The following CAPN15 variants were observed in gnomAD, a reference collection of about 807,000 sequenced individuals.
CAPN15 encodes the protein calpain 15, also known as calpain-15.
A neutral mutation model predicts 97.9 loss-of-function variants in CAPN15; 53 were observed. That is an observed-to-expected ratio of 0.54 (90% CI 0.43 to 0.68). The LOEUF (loss-of-function observed/expected upper bound fraction) is 0.68, where lower values mean the gene tolerates loss of function less well. CAPN15 is among the 30% of genes least tolerant of loss of function. The pLI is 0.00. For synonymous variants in CAPN15, 922 were observed against 722.5 expected, an observed-to-expected ratio of 1.28 and a Z score of -4.43; for missense variants, 1,592 against 1,589.8, an observed-to-expected ratio of 1.00 and a Z score of -0.02.
intron 7 of CAPN15, among the ~76,000 whole-genome samples, 173 bp from the exon 8 acceptor site, chr16:551,113 CGGTGAGGGCCCCTGTT>C (rs1409652892): frequency 5.4e-4 from 62 of 115,886 alleles, no homozygotes; most frequent in Admixed American, 7.9e-4. Context: ...GGTCCCCGGT[CGGTGAGGGCCCCTGTT>C]GGTGAGGGCC....
In CAPN15 at chr16:552,833, C is replaced by A; in HGVS notation, c.2905-30C>A. ...GGGGGAGTATGCCCCAGCACCTCCC[C>A]TGCCCCACAACTGCCATTCCTGTGC... On this transcript the variant is annotated intron_variant, in intron 12 of 13. Transcript: ENST00000219611. The surrounding 1 kb of genome is among the most constrained non-coding windows in gnomAD (Gnocchi z 6.4). 6.3e-7 allele frequency: 1 copy of A among 1,576,728 alleles called. No individual in the cohort carries two copies. The highest frequency in any genetic ancestry group is 1.2e-5 in the South Asian group (1 of 85,954).
intron 4 of CAPN15, 110 bp from the exon 5 acceptor site, chr16:548,883 T>C: frequency 9.9e-7 from 1 of 1,010,768 alleles, no homozygotes; most frequent in South Asian, 1.4e-5. Context: ...CACCCGTCCC[T>C]TTGGGGCTCA....
At position 548,193 on chromosome 16, in the gene CAPN15, G is replaced by A; in HGVS notation, c.1355G>A (p.Arg452Lys). 1 of 1,540,988 alleles carries A rather than the reference G, an allele frequency of 6.5e-7. No homozygotes were observed. Among genetic ancestry groups the A allele is most frequent in the Non-Finnish European group, 8.7e-7 (1 of 1,144,028 alleles). ...CAGCGGCGGGGGGCCGCGCCCCTGA[G>A]GCGCAGGGAGAGCATGCACGTGGAG... ...VAQRRGAAPL[R>K]RRESMHVEQR... Residue 452 changes from arginine to lysine, a missense_variant, in exon 4 of 14, where the codon AGG (arginine) becomes AAG (lysine). This residue lies in a region of CAPN15 where 883 missense variants were observed against 776.6 expected (regional missense o/e 1.14). Transcript: ENST00000219611.
chr16:552,028 C>A lies in CAPN15; in HGVS notation c.2346-23C>A. ...GGTGTGGGCCGTGGTAGGCTCAGGG[C>A]CCCGTCCTCCCGCCACCTGCAGGTA... On this transcript the variant is annotated intron_variant, in intron 9 of 13. Coordinates refer to ENST00000219611, the MANE Select transcript of CAPN15 (RefSeq NM_005632.3). This position sits in a 1 kb window ranked among gnomAD's most constrained non-coding sequence, Gnocchi z 6.4. 1.9e-6 allele frequency: 3 copies of A among 1,545,818 alleles called. No homozygotes were observed. Among genetic ancestry groups the A allele is most frequent in the Non-Finnish European group, 1.7e-6 (2 of 1,145,386 alleles).
At chr16:537,939 C>A (rs926762592) in intron 3 of CAPN15, 26 of 152,368 alleles carry the variant, frequency 1.7e-4, no homozygotes, top group African/African-American at 6.3e-4. Flanking sequence ...GTGGCACGTC[C>A]AGAGACCCGG....
chr16:545,392 G>A (rs558849022), intron 3 of CAPN15, among the ~76,000 whole-genome samples: 5 of 152,168 alleles, frequency 3.3e-5, no homozygotes, highest in Admixed American at 2.6e-4. Context: ...GAGAGAGGCC[G>A]GCACAGCGCA....
chr16:552,176 C>A lies in CAPN15; in HGVS notation c.2471C>A (p.Ala824Asp). The change falls in exon 10 of 14, where the codon GCC becomes GAC. Residue 824 changes from alanine (A) to aspartate (D), a missense_variant. Ala to Asp is a moderately radical substitution (Grantham distance 126). Around this residue, in one of 3 missense-constraint regions of CAPN15, gnomAD observed 644 missense variants for 699.6 expected, o/e 0.92. Coordinates refer to ENST00000219611, the MANE Select transcript of CAPN15 (RefSeq NM_005632.3). The surrounding 1 kb of genome is among the most constrained non-coding windows in gnomAD (Gnocchi z 6.4). The stretch of plus-strand genomic sequence containing the variant: ...ACAGCGCTCACGGTGCTGGAGCGGG[C>A]CTCGCTGGAGTTCGCGCTCTTCCAG... ...GVTALTVLER[A>D]SLEFALFQEG... is the part of the protein sequence containing the mutation. 2 of 1,540,008 alleles carry A rather than the reference C, an allele frequency of 1.3e-6. No homozygotes were observed. Among genetic ancestry groups the A allele is most frequent in the Middle Eastern group, 2.0e-4 (1 of 5,028 alleles).
chr16:547,774 C>T lies in CAPN15; in HGVS notation c.936C>T (p.Ala312=), dbSNP rs759482365. ...AGGGTGGCACCAGCCGCGTAGAGGC[C>T]GGCAGCTCCACCTCGGGCAGTGACA... ...ATEGGTSRVE[A]GSSTSGSDII... is the part of the protein sequence containing the mutation. Residue 312 remains alanine, a synonymous_variant, in exon 4 of 14, where the codon GCC becomes GCT. Transcript: ENST00000219611. The T allele has an allele frequency of 2.5e-5, 40 of 1,610,656 alleles. No homozygotes were observed. The highest frequency in any genetic ancestry group is 3.1e-5 in the Non-Finnish European group (37 of 1,178,820).
chr16:531,051 A>G (rs971932881), intron 1 of CAPN15, among the ~76,000 whole-genome samples: 12 of 152,234 alleles, frequency 7.9e-5, no homozygotes, highest in Non-Finnish European at 1.6e-4. Context: ...GGATGTCAGG[A>G]GGACGCAGGG....
Position 542,825 on chromosome 16 carries a change from G to A in CAPN15, c.-22-3992G>A, listed in dbSNP as rs201971884. On this transcript the variant is annotated intron_variant, in intron 3 of 13. Coordinates refer to ENST00000219611, the MANE Select transcript of CAPN15 (RefSeq NM_005632.3). ...TCCCAGCACTTTGGGAGGCCGAGGC[G>A]GGTAGATCACCTGAGGTCAGGAGTT... 4.6e-5 allele frequency among the ~76,000 whole-genome samples: 7 copies of A among 152,228 alleles called. No homozygotes were observed. In the East Asian group the frequency reaches 1.3e-3, roughly 29 times the overall value.
intron 1 of CAPN15, chr16:528,730 C>T: frequency 1.0e-6 from 1 of 985,438 alleles, no homozygotes; most frequent in Non-Finnish European, 1.2e-6. Flanking sequence ...GGTAACAAGA[C>T]CCGGAAAGCA....
At chr16:543,036 G>T (rs1011235862) in intron 3 of CAPN15, among the ~76,000 whole-genome samples, 5 of 152,136 alleles carry the variant, frequency 3.3e-5, no homozygotes, top group Non-Finnish European at 2.9e-5. Context: ...GGGCGACAGA[G>T]TGAGACTCTG....
chr16:551,055 G>GGCCCCGGTCGGTGAGGT (rs2035016695), intron 7 of CAPN15, among the ~76,000 whole-genome samples: 1 of 135,424 alleles, frequency 7.4e-6, no homozygotes, highest in South Asian at 2.2e-4. Context: ...GTCGGTGAGG[G>GGCCCCGGTCGGTGAGGT]TCCCCGGTCG....
At chr16:536,422 G>A (rs937902351) in intron 3 of CAPN15, among the ~76,000 whole-genome samples, 4 of 111,414 alleles carry the variant, frequency 3.6e-5, no homozygotes, top group African/African-American at 1.9e-4. Flanking sequence ...CGGGCTGGGA[G>A]CCTATTTTTT....
chr16:533,954 C>T lies in CAPN15; in HGVS notation c.-181C>T. The T allele has an allele frequency of 1.0e-6, 1 of 985,440 alleles. No individual in the cohort carries two copies. The highest frequency in any genetic ancestry group is 1.2e-6 in the Non-Finnish European group (1 of 829,950). 61.0% of individuals were successfully genotyped at this position (985,440 alleles called of 1,614,324 possible). A position where few individuals can be genotyped will look rare whatever the true frequency, so the allele number is the denominator to read the frequency against. On this transcript the variant is annotated 5_prime_UTR_variant, in exon 2 of 14. Coordinates refer to ENST00000219611, the MANE Select transcript of CAPN15 (RefSeq NM_005632.3). ...AATGCCTCCCTTTCTAGGCAGCAGC[C>T]CAGACGCGGCACAGAGAGGGCCTGG...
At position 533,961 on chromosome 16, in the gene CAPN15, C is replaced by T. The variant is rs865837862; in HGVS notation, c.-174C>T. 118 of 985,324 alleles carry T rather than the reference C, an allele frequency of 1.2e-4. No homozygotes were observed. The highest frequency in any genetic ancestry group is 1.4e-4 in the South Asian group (3 of 21,290). The allele number at this position is 985,324 out of a possible 1,614,324, so 61.0% of individuals were successfully genotyped here. ...CCCTTTCTAGGCAGCAGCCCAGACG[C>T]GGCACAGAGAGGGCCTGGGAGCTTG... On this transcript the variant is annotated 5_prime_UTR_variant, in exon 2 of 14. Coordinates refer to ENST00000219611, the MANE Select transcript of CAPN15 (RefSeq NM_005632.3).
rs929214768 is a variant in CAPN15, at chr16:535,455, C to G, written c.-136-574C>G. On this transcript the variant is annotated intron_variant, in intron 2 of 13. Coordinates refer to ENST00000219611, the MANE Select transcript of CAPN15 (RefSeq NM_005632.3). This position sits in a 1 kb window ranked among gnomAD's most constrained non-coding sequence, Gnocchi z 6.2. Reference sequence around the variant, plus strand: ...TGTGGCATACAGGACAGGGACCGGCCAGTTGGCCCTGCTCATTAACCACTT... The same window carrying G: ...TGTGGCATACAGGACAGGGACCGGCGAGTTGGCCCTGCTCATTAACCACTT... The G allele has an allele frequency of 6.5e-6, 1 of 154,210 alleles. No homozygotes were observed. Among genetic ancestry groups the G allele is most frequent in the East Asian group, 1.9e-4 (1 of 5,190 alleles). The allele number at this position is 154,210 out of a possible 1,614,324, so 9.6% of individuals were successfully genotyped here.
intron 9 of CAPN15, 110 bp downstream of exon 9, chr16:551,774 TC>T (rs770137383): frequency 1.3e-5 from 18 of 1,410,934 alleles, no homozygotes; most frequent in Admixed American, 5.7e-5. Flanking sequence ...GGCGGCTTGT[TC>T]GTGGCCCAAA....
In CAPN15 at chr16:553,450, C is replaced by T. The variant is rs1261339760; in HGVS notation, c.3195C>T (p.Ser1065=). The T allele has an allele frequency of 6.2e-7, 1 of 1,611,410 alleles. No individual in the cohort carries two copies. The part of the protein sequence containing the change: ...AQAFLSDWTA[S]KGTHSPPLTP... ...CCTTCCTCAGTGACTGGACAGCCTC[C>T]AAGGGGACCCACAGCCCCCCACTCA... The change falls in exon 14 of 14, where the codon TCC becomes TCT. Residue 1065 remains serine (S), a synonymous_variant. Coordinates refer to ENST00000219611, the MANE Select transcript of CAPN15 (RefSeq NM_005632.3).
Sources: gnomAD v4.1 joint callset for allele counts (sites outside exome capture counted in the v4.1 genomes callset) on GRCh38, gnomAD v4.1.1 for gene constraint, gnomAD v4.1.1 regional missense constraint, Gnocchi (gnomAD v3.1) non-coding constraint, MANE v1.5 for transcripts, NCBI Gene and HGNC (gene_info 2026-07-23, HGNC 2026-07-21) for gene names.